Variants in TCF25 observed in about 807,000 individuals in gnomAD.
The protein encoded by TCF25 is ribosome quality control complex subunit TCF25.
TCF25 carries 41 observed loss-of-function variants against 83.1 expected under a neutral mutation model. The ratio of observed to expected loss-of-function variants is 0.49; its 90% confidence interval spans 0.38 to 0.64. The LOEUF is 0.64. Among genes scored for constraint, TCF25 ranks in the 30% least tolerant of loss-of-function variants. TCF25 has a pLI of 0.00. For missense variants in TCF25, 979 were observed against 914.5 expected (o/e 1.07, Z -0.91); for synonymous variants, 458 against 365.0 (o/e 1.25, Z -2.90).
intron 4 of TCF25, among the ~76,000 whole-genome samples, chr16:89,887,191 G>A (rs1025540431): frequency 1.1e-4 from 16 of 151,910 alleles, no homozygotes; most frequent in African/African-American, 3.6e-4. Flanking sequence ...GAACCACCAC[G>A]TCTGGTCAAA....
rs1026197088 is a variant in TCF25 at position 89,887,552 on chromosome 16, TC to T, written c.549-98del. 3.4e-6 allele frequency: 4 copies of T among 1,190,516 alleles called. No homozygotes were observed. In the African/African-American group the frequency reaches 6.4e-5, roughly 19 times the overall value. The allele number at this position is 1,190,516 out of a possible 1,614,324, so 73.7% of individuals were successfully genotyped here. On this transcript the variant is annotated intron_variant, in intron 4 of 17. Coordinates refer to ENST00000263346, the MANE Select transcript of TCF25 (RefSeq NM_014972.3). Reference sequence around the variant, plus strand: ...TGGAAGCTGCCTTTCAAACCAAAAATCCGTGTTCTCTCCTTGACTATTAGGT... The same window carrying T: ...TGGAAGCTGCCTTTCAAACCAAAAATCGTGTTCTCTCCTTGACTATTAGGT...
At chr16:89,907,454 TCCCACCTCCCTCCTCCCACCTCCCAC>T in intron 16 of TCF25, 132 bp downstream of exon 16, 2 of 265,010 alleles carry the variant, frequency 7.5e-6, no homozygotes, top group Non-Finnish European at 1.3e-5. Flanking sequence ...GGCTCCTGGC[TCCCACCTCCCTCCTCCCACCTCCCAC>T]CTCCCAGCTC....
chr16:89,873,973 A>C, intron 1 of TCF25, 114 bp downstream of exon 1: 8 of 1,192,652 alleles, frequency 6.7e-6, no homozygotes, highest in Non-Finnish European at 8.8e-6. Flanking sequence ...GGGAAGGGTG[A>C]CGTGGGTCCC....
At chr16:89,908,682 G>C (rs867704016) in intron 16 of TCF25, among the ~76,000 whole-genome samples, 63 of 1,006 alleles carry the variant, frequency 0.063, no homozygotes, top group Non-Finnish European at 0.069. Context: ...CCTCCTCCCA[G>C]CTCCCACCTC....
chr16:89,874,290 T>G (rs1302168093), intron 1 of TCF25, among the ~76,000 whole-genome samples: 2 of 127,118 alleles, frequency 1.6e-5, no homozygotes, highest in African/African-American at 6.2e-5. Flanking sequence ...CGTGGGGCCG[T>G]GACGCTAAAG....
intron 1 of TCF25, chr16:89,878,514 T>A (rs756259291): frequency 1.8e-5 from 23 of 1,244,274 alleles, no homozygotes; most frequent in Non-Finnish European, 2.4e-5. Flanking sequence ...CCTTCCTGGT[T>A]ATTAACTGAA....
At position 89,884,623 on chromosome 16, in the gene TCF25, G is replaced by A; in HGVS notation, c.396G>A (p.Gln132=). ...SGKLRKKKKK[Q]KNKKSSTGEA... ...AACTCCGGAAGAAGAAAAAAAAACAGAAAAACAAGAAAAGCAGCACGGGAG... is the reference window on the plus strand; with the variant it reads ...AACTCCGGAAGAAGAAAAAAAAACAAAAAAACAAGAAAAGCAGCACGGGAG... The change falls in exon 3 of 18, where the codon CAG becomes CAA. Residue 132 remains glutamine (Q), a synonymous_variant. Coordinates refer to ENST00000263346, the MANE Select transcript of TCF25 (RefSeq NM_014972.3). 6 of 1,613,494 alleles carry A rather than the reference G, an allele frequency of 3.7e-6. No individual in the cohort carries two copies. Among genetic ancestry groups the A allele is most frequent in the Non-Finnish European group, 4.2e-6 (5 of 1,179,634 alleles).
intron 12 of TCF25, chr16:89,901,139 G>A (rs1037845446): frequency 4.6e-6 from 1 of 216,066 alleles, no homozygotes; most frequent in African/African-American, 2.2e-5. Context: ...GCAGCGCCGA[G>A]GTGTGGCCGA....
intron 5 of TCF25, among the ~76,000 whole-genome samples, chr16:89,891,807 C>T (rs1315703133): frequency 6.6e-6 from 1 of 152,052 alleles, no homozygotes; most frequent in Non-Finnish European, 1.5e-5. Flanking sequence ...GTGCTGGGAT[C>T]ACAGGTGCAG....
rs2044904583 is a variant in TCF25 at position 89,907,373 on chromosome 16, CAGTT to C, written c.1799+52_1799+55del. 1.5e-4 allele frequency: 36 copies of C among 238,040 alleles called. 3 individuals carry two copies. Among genetic ancestry groups the C allele is most frequent in the South Asian group, 7.4e-4 (10 of 13,542 alleles). 14.7% of individuals were successfully genotyped at this position (238,040 alleles called of 1,614,324 possible). A position where few individuals can be genotyped will look rare whatever the true frequency, so the allele number is the denominator to read the frequency against. Reference sequence around the variant, plus strand: ...CTCCCAGCTCCCACCTCCCTCCTCCCAGTTCCCAGCTCCCAGCTCCCACCTCCCA... The same window carrying C: ...CTCCCAGCTCCCACCTCCCTCCTCCCCCCAGCTCCCAGCTCCCACCTCCCA... On this transcript the variant is annotated intron_variant, in intron 16 of 17. Transcript: ENST00000263346.
intron 5 of TCF25, 76 bp downstream of exon 5, chr16:89,887,793 G>GT: frequency 2.9e-6 from 4 of 1,388,952 alleles, no homozygotes; most frequent in Non-Finnish European, 3.9e-6. Context: ...TGGTGTTCCT[G>GT]AAGCTAGTTT....
intron 5 of TCF25, 98 bp from the exon 6 acceptor site, chr16:89,892,095 A>G: frequency 8.5e-7 from 1 of 1,179,696 alleles, no homozygotes; most frequent in Non-Finnish European, 1.2e-6. Flanking sequence ...TCTGCCCCTC[A>G]GTTTTGCTTC....
chr16:89,885,226 A>C (rs778411196), intron 3 of TCF25, among the ~76,000 whole-genome samples: 1 of 152,230 alleles, frequency 6.6e-6, no homozygotes, highest in Non-Finnish European at 1.5e-5. Context: ...AGATCAGGGA[A>C]AAAGAAAAGG....
intron 2 of TCF25, chr16:89,883,795 C>CCCTCCTAGCCGACCGCGCACGTGTGTG (rs537467585): frequency 3.8e-5 from 13 of 343,606 alleles, no homozygotes; most frequent in African/African-American, 1.5e-4. Flanking sequence ...GCACGTGTGT[C>CCCTCCTAGCCGACCGCGCACGTGTGTG]CCTCCTAGCC....
chr16:89,893,588 C>T (rs2043594613), intron 6 of TCF25, 140 bp from the exon 7 acceptor site: 2 of 1,334,990 alleles, frequency 1.5e-6, no homozygotes, highest in South Asian at 1.4e-5. Context: ...GAGCTGGTGA[C>T]ACCCATGAGT....
At chr16:89,876,770 T>G (rs1453582032) in intron 1 of TCF25, among the ~76,000 whole-genome samples, 1 of 151,408 alleles carries the variant, frequency 6.6e-6, no homozygotes. Flanking sequence ...ACTAAAGAAG[T>G]ACAAAAAAAT....
intron 5 of TCF25, 143 bp from the exon 6 acceptor site, chr16:89,892,050 C>A: frequency 1.5e-6 from 1 of 678,358 alleles, no homozygotes; most frequent in Non-Finnish European, 2.3e-6. Flanking sequence ...TGCATCCTGT[C>A]CTTAATGCGT....
intron 2 of TCF25, chr16:89,883,779 A>ACCGCGCACGTGTGTGCCTCCTAGCCG: frequency 2.6e-6 from 1 of 389,812 alleles, no homozygotes; most frequent in African/African-American, 2.1e-5. Flanking sequence ...CCTCCTAGCC[A>ACCGCGCACGTGTGTGCCTCCTAGCCG]ACCGCGCACG....
chr16:89,889,298 C>G (rs2043248242), intron 5 of TCF25: 2 of 359,880 alleles, frequency 5.6e-6, no homozygotes, highest in African/African-American at 4.4e-5. Flanking sequence ...CCATCTCAGT[C>G]TCCCAAATAG....
Sources: allele counts gnomAD v4.1 joint callset (sites outside exome capture counted in the v4.1 genomes callset), GRCh38; gene constraint gnomAD v4.1.1; transcripts MANE v1.5; gene names NCBI Gene and HGNC (gene_info 2026-07-23, HGNC 2026-07-21).